NRXN3: variants seen among roughly 807,000 people sequenced by gnomAD.
NRXN3 encodes neurexin III.
NRXN3 carries 32 observed loss-of-function variants against 137.6 expected under a neutral mutation model. The ratio of observed to expected loss-of-function variants is 0.23; its 90% CI spans 0.18 to 0.31. The LOEUF (loss-of-function observed/expected upper bound fraction) is 0.31, where lower values mean the gene tolerates loss of function less well. NRXN3 is among the 10% of genes least tolerant of loss of function. NRXN3 has a pLI of 1.00. For missense variants in NRXN3, 1,574 were observed against 2,062.5 expected, an observed-to-expected ratio of 0.76 and a Z score of 4.59; for synonymous variants, 798 against 784.5, an observed-to-expected ratio of 1.02 and a Z score of -0.29.
At chr14:78,828,491 G>C (rs1196935324) in intron 10 of NRXN3, among the ~76,000 whole-genome samples, 1 of 152,124 alleles carries the variant, frequency 6.6e-6, no homozygotes, top group African/African-American at 2.4e-5. Flanking sequence ...CTACTCCATT[G>C]TGCTCTTGTA....
intron 6 of NRXN3, among the ~76,000 whole-genome samples, chr14:78,698,530 T>C (rs533812621): frequency 6.7e-6 from 1 of 149,648 alleles, no homozygotes; most frequent in East Asian, 2.1e-4. Flanking sequence ...TCTCAAAACA[T>C]TCATGTGTTT....
intron 15 of NRXN3, among the ~76,000 whole-genome samples, chr14:79,007,297 C>T (rs146694382): frequency 1.3e-4 from 20 of 152,202 alleles, no homozygotes; most frequent in African/African-American, 3.6e-4. Context: ...CATTAAAACA[C>T]GTAGCTCCAC....
intron 15 of NRXN3, among the ~76,000 whole-genome samples, chr14:79,172,425 G>A (rs1285302421): frequency 1.3e-5 from 2 of 152,010 alleles, no homozygotes; most frequent in Non-Finnish European, 2.9e-5. Flanking sequence ...GAATATCTCT[G>A]AAAGAAAGGG....
intron 4 of NRXN3, among the ~76,000 whole-genome samples, chr14:78,543,313 G>A (rs1441341391): frequency 6.6e-6 from 1 of 152,166 alleles, no homozygotes; most frequent in Non-Finnish European, 1.5e-5. Flanking sequence ...AAAACTTAAT[G>A]CATATGTACA....
At chr14:79,660,671 T>C (rs1205124160) in intron 16 of NRXN3, among the ~76,000 whole-genome samples, 1 of 152,180 alleles carries the variant, frequency 6.6e-6, no homozygotes, top group Non-Finnish European at 1.5e-5. Flanking sequence ...TACAGAATGC[T>C]GCTTTAAAGG....
At chr14:79,166,420 C>A (rs1273424018) in intron 15 of NRXN3, among the ~76,000 whole-genome samples, 1 of 151,160 alleles carries the variant, frequency 6.6e-6, no homozygotes, top group African/African-American at 2.4e-5. Context: ...GTCACACAAA[C>A]GTTCATCTAT....
chr14:78,786,321 G>T lies in NRXN3; in HGVS notation c.2045-17299G>T, dbSNP rs116625491. Among the ~76,000 whole-genome samples the T allele has an allele frequency of 2.3e-3, 351 of 152,224 alleles. 2 individuals are homozygous for T. The highest frequency in any genetic ancestry group is 8.2e-3 in the African/African-American group (340 of 41,534). ...AGAAGAGCATATTCTCCTGAGGTTG[G>T]CCAGAGGGTTGATGAATTGATGTAT... On this transcript the variant is annotated intron_variant, in intron 8 of 20. Transcript: ENST00000335750.
chr14:79,104,681 A>G (rs1276286672), intron 15 of NRXN3, among the ~76,000 whole-genome samples: 2 of 152,146 alleles, frequency 1.3e-5, no homozygotes, highest in South Asian at 2.1e-4. Context: ...TTAGATGGCT[A>G]TTTCTCTCTT....
At chr14:78,957,445 C>A in intron 11 of NRXN3, 84 bp downstream of exon 11, 2 of 1,475,030 alleles carry the variant, frequency 1.4e-6, no homozygotes, top group South Asian at 1.3e-5. Flanking sequence ...TTTGCAAAAC[C>A]TTTTATTTTG....
intron 15 of NRXN3, chr14:79,279,441 C>A: frequency 2.0e-6 from 2 of 986,150 alleles, no homozygotes; most frequent in Non-Finnish European, 2.4e-6. Context: ...CGCCTCTCGG[C>A]CACCTCTGCA....
chr14:78,925,878 T>C (rs1216452754), intron 10 of NRXN3, among the ~76,000 whole-genome samples: 2 of 152,196 alleles, frequency 1.3e-5, no homozygotes, highest in Non-Finnish European at 2.9e-5. Context: ...GCTTCTTCTC[T>C]GAAAAGGGCA....
At chr14:78,926,884 AT>A (rs1247197423) in intron 10 of NRXN3, among the ~76,000 whole-genome samples, 2 of 21,490 alleles carry the variant, frequency 9.3e-5, no homozygotes, top group Non-Finnish European at 1.3e-4. Context: ...TATATAATAT[AT>A]TTATATATAT....
At chr14:78,458,160 C>T (rs2094806001) in intron 4 of NRXN3, among the ~76,000 whole-genome samples, 1 of 152,172 alleles carries the variant, frequency 6.6e-6, no homozygotes. Flanking sequence ...GGTCAGGAAA[C>T]AAATCTGCCT....
intron 19 of NRXN3, among the ~76,000 whole-genome samples, chr14:79,757,505 C>T (rs1190880156): frequency 6.6e-6 from 1 of 152,132 alleles, no homozygotes; most frequent in South Asian, 2.1e-4. Context: ...TAAATTCTCC[C>T]TGCAGTTTTA....
intron 15 of NRXN3, among the ~76,000 whole-genome samples, chr14:79,086,519 T>C (rs1479706624): frequency 6.6e-6 from 1 of 152,030 alleles, no homozygotes; most frequent in Non-Finnish European, 1.5e-5. Flanking sequence ...CATTTTAAAT[T>C]GTGGTGTTTT....
intron 15 of NRXN3, among the ~76,000 whole-genome samples, chr14:79,123,685 T>G (rs2152929415): frequency 6.6e-6 from 1 of 152,236 alleles, no homozygotes; most frequent in South Asian, 2.1e-4. Flanking sequence ...CACCTGGGGA[T>G]GTGAAAATGG....
rs144827949 is a variant in NRXN3 at position 78,847,149 on chromosome 14, C to A, written c.2275+36805C>A. The stretch of plus-strand genomic sequence containing the variant: ...AAGGTAGGTATAAAGAGAATTATGG[C>A]CAATGAAACTCCATATGAGAGCCCT... On this transcript the variant is annotated intron_variant, in intron 10 of 20. Transcript: ENST00000335750. 6.9e-4 allele frequency among the ~76,000 whole-genome samples: 105 copies of A among 152,156 alleles called. No individual in the cohort carries two copies. In the East Asian group the frequency reaches 0.018, roughly 26 times the overall value.
rs1218130629 is a variant in NRXN3, at chr14:78,243,774, T to G, written c.681T>G (p.Thr227=). 2 of 1,590,484 alleles carry G rather than the reference T, an allele frequency of 1.3e-6. No homozygotes were observed. Among genetic ancestry groups the G allele is most frequent in the South Asian group, 1.1e-5 (1 of 89,582 alleles). The stretch of plus-strand genomic sequence containing the variant: ...ACCCCACCTGTGACTGTTCTACCAC[T>G]GGCTATGGTGGCAAGCTCTGCTCAG... ...DGHPTCDCST[T]GYGGKLCSED... is the part of the protein sequence containing the mutation. The change falls in exon 2 of 21, where the codon ACT becomes ACG. Residue 227 remains threonine (T), a synonymous_variant. Coordinates refer to ENST00000335750, the MANE Select transcript of NRXN3 (RefSeq NM_001330195.2). This position sits in a 1 kb window ranked among gnomAD's most constrained non-coding sequence, Gnocchi z 4.2.
At chr14:79,651,965 G>T (rs2098478393) in intron 16 of NRXN3, among the ~76,000 whole-genome samples, 1 of 152,124 alleles carries the variant, frequency 6.6e-6, no homozygotes, top group Admixed American at 6.5e-5. Flanking sequence ...TCATATTCCT[G>T]AGAGGCTTCC....
Sources: gnomAD v4.1 joint callset for allele counts (sites outside exome capture counted in the v4.1 genomes callset) on GRCh38, gnomAD v4.1.1 for gene constraint, Gnocchi (gnomAD v3.1) non-coding constraint, MANE v1.5 for transcripts, NCBI Gene and HGNC (gene_info 2026-07-23, HGNC 2026-07-21) for gene names.